PIP4P2: variants seen among roughly 807,000 people sequenced by gnomAD.
The protein encoded by PIP4P2 is phosphatidylinositol-4,5-bisphosphate 4-phosphatase 2, also known as type 2 phosphatidylinositol 4,5-bisphosphate 4-phosphatase.
A neutral mutation model predicts 33.3 loss-of-function variants in PIP4P2; 19 were observed. The observed-to-expected ratio is 0.57, with a 90% CI of 0.40 to 0.84. PIP4P2 has a LOEUF of 0.84. Among genes scored for constraint, PIP4P2 ranks in the 40% least tolerant of loss-of-function variants. The pLI is 0.00. For synonymous variants in PIP4P2, 110 were observed against 111.9 expected, an observed-to-expected ratio of 0.98 and a Z score of 0.11; for missense variants, 270 against 324.7, an observed-to-expected ratio of 0.83 and a Z score of 1.29.
chr8:91,009,556 T>C (rs1431276699), intron 4 of PIP4P2, among the ~76,000 whole-genome samples: 1 of 151,966 alleles, frequency 6.6e-6, no homozygotes, highest in East Asian at 1.9e-4. Flanking sequence ...TCCTTGATAG[T>C]TTTGGGAAAA....
At chr8:91,021,202 G>A in intron 2 of PIP4P2, 54 bp downstream of exon 2, 1 of 1,589,608 alleles carries the variant, frequency 6.3e-7, no homozygotes, top group Non-Finnish European at 8.6e-7. Flanking sequence ...CTTCCTTTAG[G>A]AATAAAATGT....
chr8:91,019,187 T>G (rs1371898905), intron 3 of PIP4P2, among the ~76,000 whole-genome samples: 4 of 151,986 alleles, frequency 2.6e-5, no homozygotes, highest in Non-Finnish European at 5.9e-5. Context: ...CAGCAGAGAT[T>G]AGTATAATAT....
chr8:91,025,512 T>A (rs1486644841), intron 1 of PIP4P2, among the ~76,000 whole-genome samples: 3 of 152,200 alleles, frequency 2.0e-5, no homozygotes, highest in Admixed American at 2.0e-4. Flanking sequence ...AATTGTTTTG[T>A]TGGATTGCTC....
intron 1 of PIP4P2, among the ~76,000 whole-genome samples, chr8:91,038,803 C>T (rs1812267461): frequency 6.6e-6 from 1 of 152,194 alleles, no homozygotes; most frequent in Non-Finnish European, 1.5e-5. Flanking sequence ...TTTCTCTAAT[C>T]ATCTAACCTG....
At chr8:91,039,275 G>A (rs1318160124) in intron 1 of PIP4P2, among the ~76,000 whole-genome samples, 2 of 152,274 alleles carry the variant, frequency 1.3e-5, no homozygotes, top group South Asian at 4.1e-4. Context: ...CTTGCCTGGT[G>A]TCCTCTGATA....
chr8:91,006,653 G>A, intron 5 of PIP4P2, among the ~76,000 whole-genome samples: 1 of 152,132 alleles, frequency 6.6e-6, no homozygotes, highest in Non-Finnish European at 1.5e-5. Flanking sequence ...ACTCTGCTTA[G>A]CACACAGTCT....
rs1046190259 is a variant in PIP4P2, at chr8:91,014,403, T to C, written c.486+3987A>G. 2.6e-5 allele frequency among the ~76,000 whole-genome samples: 4 copies of C among 152,244 alleles called. No homozygotes were observed. In the East Asian group the frequency reaches 7.7e-4, roughly 29 times the overall value. On this transcript the variant is annotated intron_variant, in intron 4 of 6. Transcript: ENST00000285419. ...TGTGGTATATGCATACAATGAAATA[T>C]TATTTAGCCTTAAAAAGAAGGGAAT... is the stretch of plus-strand genomic sequence containing the variant.
At chr8:91,007,739 G>C (rs562127492) in intron 5 of PIP4P2, among the ~76,000 whole-genome samples, 1 of 152,234 alleles carries the variant, frequency 6.6e-6, no homozygotes, top group South Asian at 2.1e-4. Flanking sequence ...ATTTAGATTT[G>C]GGGAGAATTC....
intron 1 of PIP4P2, among the ~76,000 whole-genome samples, chr8:91,027,353 T>A (rs2130375904): frequency 6.6e-6 from 1 of 152,362 alleles, no homozygotes; most frequent in East Asian, 1.9e-4. Context: ...TTCTTGTACC[T>A]AAGCCTTCCC....
intron 1 of PIP4P2, among the ~76,000 whole-genome samples, chr8:91,037,192 T>C (rs1008881779): frequency 3.3e-5 from 5 of 152,198 alleles, no homozygotes; most frequent in Admixed American, 3.3e-4. Flanking sequence ...ACATAGTTCT[T>C]TGAAGGGGAA....
chr8:91,018,716 A>C (rs1209119206), intron 3 of PIP4P2: 2 of 613,692 alleles, frequency 3.3e-6, no homozygotes, highest in African/African-American at 3.7e-5. Context: ...TGGGATAGAA[A>C]CAATATATTA....
chr8:91,000,306 A>T (rs1811684574), intron 5 of PIP4P2, among the ~76,000 whole-genome samples: 1 of 151,408 alleles, frequency 6.6e-6, no homozygotes, highest in Non-Finnish European at 1.5e-5. Context: ...GTTTCTGGTG[A>T]ATTGTTACAA....
At chr8:90,999,666 G>C (rs2130348947) in intron 5 of PIP4P2, among the ~76,000 whole-genome samples, 1 of 152,180 alleles carries the variant, frequency 6.6e-6, no homozygotes, top group Non-Finnish European at 1.5e-5. Context: ...AAAGGAAGGA[G>C]AAAACAGCAG....
chr8:91,036,060 G>A (rs1315497752), intron 1 of PIP4P2, among the ~76,000 whole-genome samples: 1 of 151,904 alleles, frequency 6.6e-6, no homozygotes, highest in Non-Finnish European at 1.5e-5. Context: ...TGGCCTGAAG[G>A]CTTTAATCAC....
Position 90,995,828 on chromosome 8 carries a change from A to G in PIP4P2, c.631-8T>C. ...AAAATCTGGGGTGCCAACCTAAAATAAAAAGCAATATAAAAACAAAATATT... is the reference window on the plus strand; with the variant it reads ...AAAATCTGGGGTGCCAACCTAAAATGAAAAGCAATATAAAAACAAAATATT... On this transcript the variant is annotated splice_region_variant and splice_polypyrimidine_tract_variant and intron_variant, in intron 6 of 6. Coordinates refer to ENST00000285419, the MANE Select transcript of PIP4P2 (RefSeq NM_018710.3). 1 of 1,593,540 alleles carries G rather than the reference A, an allele frequency of 6.3e-7. No individual in the cohort carries two copies. Among genetic ancestry groups the G allele is most frequent in the Non-Finnish European group, 8.5e-7 (1 of 1,174,532 alleles).
chr8:91,018,837 T>C (rs566365212), intron 3 of PIP4P2, among the ~76,000 whole-genome samples: 38 of 152,270 alleles, frequency 2.5e-4, no homozygotes, highest in Non-Finnish European at 2.9e-5. Context: ...CAACTTGAGT[T>C]TGGTAGAAGA....
intron 1 of PIP4P2, among the ~76,000 whole-genome samples, chr8:91,039,675 C>T (rs185906194): frequency 1.3e-5 from 2 of 152,228 alleles, no homozygotes; most frequent in African/African-American, 2.4e-5. Flanking sequence ...TTTGCAAGTG[C>T]CATTTTGACC....
chr8:91,014,210 T>A (rs1021781000), intron 4 of PIP4P2, among the ~76,000 whole-genome samples: 34 of 152,150 alleles, frequency 2.2e-4, no homozygotes, highest in Admixed American at 7.9e-4. Flanking sequence ...AATGGCAGGC[T>A]GCTTCACACT....
At chr8:91,017,513 G>A (rs948359285) in intron 4 of PIP4P2, among the ~76,000 whole-genome samples, 17 of 152,166 alleles carry the variant, frequency 1.1e-4, no homozygotes, top group African/African-American at 3.9e-4. Context: ...ACAGTAACTA[G>A]GGGTCAGCTA....
Sources: gnomAD v4.1 joint callset for allele counts (sites outside exome capture counted in the v4.1 genomes callset) on GRCh38, gnomAD v4.1.1 for gene constraint, MANE v1.5 for transcripts, NCBI Gene and HGNC (gene_info 2026-07-23, HGNC 2026-07-21) for gene names.